The following ADAM12 variants were observed in gnomAD, a reference collection of about 807,000 sequenced individuals.
ADAM12 encodes ADAM metallopeptidase domain 12.
ADAM12 carries 70 observed loss-of-function variants against 106.4 expected under a neutral mutation model. The ratio of observed to expected loss-of-function variants is 0.66; its 90% CI spans 0.54 to 0.80. ADAM12 has a LOEUF of 0.80. ADAM12 is among the 30% of genes least tolerant of loss of function. The pLI is 0.00. For synonymous variants in ADAM12, 420 were observed against 433.5 expected (o/e 0.97, Z 0.39); for missense variants, 1,010 against 1,171.9 (o/e 0.86, Z 2.02).
intron 11 of ADAM12, among the ~76,000 whole-genome samples, chr10:126,080,330 G>A (rs918226263): frequency 6.6e-6 from 1 of 152,184 alleles, no homozygotes; most frequent in Non-Finnish European, 1.5e-5. Context: ...CTTTTGGCAA[G>A]CTCATCACAA....
chr10:126,206,859 G>GGT lies in ADAM12; in HGVS notation c.261-51555_261-51554insAC, dbSNP rs1554986886. On this transcript the variant is annotated intron_variant, in intron 3 of 22. Coordinates refer to ENST00000448723, the MANE Select transcript of ADAM12 (RefSeq NM_001288973.2). Reference sequence around the variant, plus strand: ...CCCTGAATTCCCATGTGTTGTGGGGGCGGGGGGGAGCCAGTGGGAGGTAAT... The same window carrying GGT: ...CCCTGAATTCCCATGTGTTGTGGGGGGTCGGGGGGGAGCCAGTGGGAGGTAAT... 1.2e-4 allele frequency among the ~76,000 whole-genome samples: 16 copies of GGT among 129,936 alleles called. 1 individual carries two copies. Among genetic ancestry groups the GGT allele is most frequent in the South Asian group, 4.7e-4 (2 of 4,214 alleles). The allele number at this position is 129,936 out of a possible 152,430, so 85.2% of individuals were successfully genotyped here.
chr10:126,369,707 C>T (rs181244151), intron 1 of ADAM12, among the ~76,000 whole-genome samples: 32 of 152,296 alleles, frequency 2.1e-4, no homozygotes, highest in Admixed American at 3.9e-4. Context: ...TGAAAACAGA[C>T]GCTTTCACCT....
chr10:126,170,552 G>C (rs1243808826), intron 3 of ADAM12, among the ~76,000 whole-genome samples: 1 of 152,020 alleles, frequency 6.6e-6, no homozygotes, highest in Non-Finnish European at 1.5e-5. Context: ...CAATCCCCTA[G>C]GCTGAGTCAG....
intron 4 of ADAM12, among the ~76,000 whole-genome samples, chr10:126,151,606 A>G (rs1033855209): frequency 2.6e-5 from 4 of 152,056 alleles, no homozygotes; most frequent in African/African-American, 4.8e-5. Context: ...AGCTCCTTCC[A>G]CACCCTCCTT....
intron 3 of ADAM12, among the ~76,000 whole-genome samples, chr10:126,265,235 G>A (rs1959075266): frequency 1.3e-5 from 2 of 152,310 alleles, no homozygotes; most frequent in South Asian, 4.1e-4. Flanking sequence ...ATAAGTAGAG[G>A]TGGTCTCTAA....
intron 11 of ADAM12, among the ~76,000 whole-genome samples, chr10:126,077,423 C>G (rs1050676759): frequency 6.6e-6 from 1 of 151,992 alleles, no homozygotes; most frequent in African/African-American, 2.4e-5. Context: ...CAAAAAGGAG[C>G]CTGAATAACC....
chr10:126,171,200 A>T (rs1957113970), intron 3 of ADAM12, among the ~76,000 whole-genome samples: 1 of 152,210 alleles, frequency 6.6e-6, no homozygotes, highest in African/African-American at 2.4e-5. Flanking sequence ...GTTTAGTCAG[A>T]ATGATGGTTG....
intron 4 of ADAM12, among the ~76,000 whole-genome samples, chr10:126,143,284 A>ATG (rs140327815): frequency 0.13 from 18,427 of 139,766 alleles, 1,301 homozygotes; most frequent in African/African-American, 0.18. Context: ...ATGGGTATGC[A>ATG]TGTGTGTGTG....
intron 2 of ADAM12, among the ~76,000 whole-genome samples, chr10:126,287,139 T>TTTAGCTATAG (rs1959903529): frequency 6.6e-6 from 1 of 152,208 alleles, no homozygotes; most frequent in African/African-American, 2.4e-5. Flanking sequence ...TTTAGATTAC[T>TTTAGCTATAG]TTAGCTATAG....
At chr10:126,318,339 C>T (rs1221490768) in intron 2 of ADAM12, among the ~76,000 whole-genome samples, 1 of 152,098 alleles carries the variant, frequency 6.6e-6, no homozygotes, top group Non-Finnish European at 1.5e-5. Context: ...CACACACAAA[C>T]TCACACACAT....
In ADAM12 at chr10:126,260,412, C is replaced by A. The variant is rs117947564; in HGVS notation, c.260+18503G>T. 8.3e-4 allele frequency among the ~76,000 whole-genome samples: 126 copies of A among 152,286 alleles called. 5 individuals carry two copies. Among genetic ancestry groups the A allele is most frequent in the Non-Finnish European group, 2.8e-4 (19 of 68,030 alleles). ...ACACTTAAAATTTCTATATGGGAAC[C>A]CAGAAACCTTCATCTGAGGACAAGA... is the stretch of plus-strand genomic sequence containing the variant. On this transcript the variant is annotated intron_variant, in intron 3 of 22. Transcript: ENST00000448723.
intron 1 of ADAM12, among the ~76,000 whole-genome samples, chr10:126,361,508 A>G (rs371333470): frequency 3.7e-4 from 57 of 152,340 alleles, no homozygotes; most frequent in African/African-American, 1.3e-3. Flanking sequence ...ACAAAGCTGA[A>G]GGCATCACAG....
chr10:126,221,389 C>CAAAAAAAAAAAAAAA (rs35766891), intron 3 of ADAM12, among the ~76,000 whole-genome samples: 2 of 100,714 alleles, frequency 2.0e-5, no homozygotes, highest in East Asian at 2.7e-4. Flanking sequence ...GACTCTGTCT[C>CAAAAAAAAAAAAAAA]AAAAAAAAAA....
chr10:126,043,321 G>A lies in ADAM12; in HGVS notation c.1996-173C>T, dbSNP rs977366458. On this transcript the variant is annotated intron_variant, in intron 17 of 22. Coordinates refer to ENST00000448723, the MANE Select transcript of ADAM12 (RefSeq NM_001288973.2). The surrounding 1 kb of genome is among the most constrained non-coding windows in gnomAD (Gnocchi z 4.1). ...CCGGCACTACACACCACACAGGGGC[G>A]ACCAAACCTGAGGCTGTGAAGATGC... 6.6e-6 allele frequency among the ~76,000 whole-genome samples: 1 copy of A among 152,144 alleles called. No individual in the cohort carries two copies. Among genetic ancestry groups the A allele is most frequent in the Non-Finnish European group, 1.5e-5 (1 of 68,022 alleles).
At chr10:126,065,261 A>C (rs998095405) in intron 13 of ADAM12, among the ~76,000 whole-genome samples, 2 of 152,194 alleles carry the variant, frequency 1.3e-5, no homozygotes, top group African/African-American at 4.8e-5. Context: ...GTTCTCCAAG[A>C]AACACACAAG....
intron 11 of ADAM12, among the ~76,000 whole-genome samples, chr10:126,074,837 C>T (rs1955067776): frequency 1.3e-5 from 2 of 152,116 alleles, no homozygotes; most frequent in South Asian, 4.1e-4. Context: ...ATGAATTCAC[C>T]AACACTGAAC....
At chr10:126,277,355 C>G (rs1959311566) in intron 3 of ADAM12, among the ~76,000 whole-genome samples, 1 of 152,114 alleles carries the variant, frequency 6.6e-6, no homozygotes, top group African/African-American at 2.4e-5. Context: ...AGCCTCCCCT[C>G]ATGCTGTGCA....
chr10:126,059,635 T>C (rs1285330972), intron 14 of ADAM12, among the ~76,000 whole-genome samples: 1 of 152,138 alleles, frequency 6.6e-6, no homozygotes, highest in Non-Finnish European at 1.5e-5. Flanking sequence ...AAATAAACAC[T>C]GAGTATTCAC....
chr10:126,278,600 T>C (rs1959393633), intron 3 of ADAM12, among the ~76,000 whole-genome samples: 1 of 152,150 alleles, frequency 6.6e-6, no homozygotes, highest in Non-Finnish European at 1.5e-5. Flanking sequence ...AGTCAACTAA[T>C]TATGAAACTC....
Sources: gnomAD v4.1 joint callset for allele counts (sites outside exome capture counted in the v4.1 genomes callset) on GRCh38, gnomAD v4.1.1 for gene constraint, Gnocchi (gnomAD v3.1) non-coding constraint, MANE v1.5 for transcripts, NCBI Gene and HGNC (gene_info 2026-07-23, HGNC 2026-07-21) for gene names.